The following RNH1 variants were observed in gnomAD, a reference collection of about 807,000 sequenced individuals.
RNH1 encodes ribonuclease inhibitor.
In RNH1, 38 loss-of-function variants were observed where a neutral mutation model predicts 46.1. That is an observed-to-expected ratio of 0.82 (90% CI 0.64 to 1.08). The LOEUF is 1.08. RNH1 is among the 50% of genes least tolerant of loss of function. The pLI is 0.00. For synonymous variants in RNH1, 319 were observed against 279.1 expected (o/e 1.14, Z -1.43); for missense variants, 577 against 590.7 (o/e 0.98, Z 0.24).
chr11:506,923 G>A (rs1182421796), intron 1 of RNH1, 190 bp downstream of exon 1: 7 of 152,138 alleles, frequency 4.6e-5, no homozygotes, highest in Admixed American at 3.9e-4. Context: ...CAGCTGCCCA[G>A]CGCAACCTCG....
At position 499,164 on chromosome 11, in the gene RNH1, C is replaced by T. The variant is rs372920831; in HGVS notation, c.465G>A (p.Ser155=). 2.0e-5 allele frequency: 32 copies of T among 1,612,558 alleles called. No individual in the cohort carries two copies. In the African/African-American group the frequency reaches 2.5e-4, roughly 13 times the overall value. The change falls in exon 6 of 11, where the codon TCG becomes TCA. Residue 155 remains serine, a synonymous_variant. Transcript: ENST00000354420. ...AGGCCAGGGGCTCGCAGCTGGCAGC[C>T]GAGAGGCTGCAATACTCCAGCCTGG... ...EKLQLEYCSL[S]AASCEPLASV...
In RNH1 at chr11:496,467, A is replaced by G. The variant is rs187392758; in HGVS notation, c.1128-1414T>C. Among the ~76,000 whole-genome samples, 193 of 152,326 alleles carry G rather than the reference A, an allele frequency of 1.3e-3. 1 individual carries two copies. The highest frequency in any genetic ancestry group is 0.011 in the Admixed American group (172 of 15,302). ...GGCGGATCACGAGGTCAGGATATCA[A>G]GACCATACTGGCTAACACGGTGAAA... On this transcript the variant is annotated intron_variant, in intron 9 of 10. Transcript: ENST00000354420.
chr11:498,798 C>T lies in RNH1; in HGVS notation c.750G>A (p.Gly250=). 3 of 1,606,436 alleles carry T rather than the reference C, an allele frequency of 1.9e-6. No homozygotes were observed. Among genetic ancestry groups the T allele is most frequent in the Non-Finnish European group, 2.5e-6 (3 of 1,179,482 alleles). ...TGAGCCTGGAGCTGGGGTGGAGCAG[C>T]CCTGGGCACAGCTCCGCCATGCCCA... is the stretch of plus-strand genomic sequence containing the variant. ...GDVGMAELCP[G]LLHPSSRLRT... is the part of the protein sequence containing the mutation. The change falls in exon 7 of 11, where the codon GGG becomes GGA. Residue 250 remains glycine (G), a synonymous_variant. Transcript: ENST00000354420.
rs184699651 is a variant in RNH1 at position 498,250 on chromosome 11, A to G, written c.957-109T>C. ...GTGGACCTGAGCAAAAACATCTGACAGCCTCCCAGCAAGTGGGCACCTACA... is the reference window on the plus strand; with the variant it reads ...GTGGACCTGAGCAAAAACATCTGACGGCCTCCCAGCAAGTGGGCACCTACA... On this transcript the variant is annotated intron_variant, in intron 8 of 10. Transcript: ENST00000354420. The G allele has an allele frequency of 1.4e-5, 19 of 1,342,114 alleles. No homozygotes were observed. In the East Asian group the frequency reaches 4.5e-4, roughly 32 times the overall value. 83.1% of individuals were successfully genotyped at this position (1,342,114 alleles called of 1,614,324 possible).
At chr11:500,091 C>A (rs1849604408) in intron 4 of RNH1, 92 bp from the exon 5 acceptor site, 10 of 1,389,838 alleles carry the variant, frequency 7.2e-6, no homozygotes, top group Non-Finnish European at 9.5e-6. Context: ...CAGCACTCTT[C>A]AGGCGGCAGG....
chr11:499,671 G>C (rs1056468413), intron 5 of RNH1, 158 bp downstream of exon 5: 8 of 857,122 alleles, frequency 9.3e-6, no homozygotes, highest in Non-Finnish European at 1.5e-5. Flanking sequence ...AGCACCACAA[G>C]GCCCCAGACC....
At chr11:500,918 C>T (rs561546096) in intron 3 of RNH1, 9 of 556,644 alleles carry the variant, frequency 1.6e-5, no homozygotes, top group Admixed American at 7.4e-5. Context: ...CACCTGAGGT[C>T]GGGAGTTCAA....
intron 1 of RNH1, chr11:506,412 G>A: frequency 6.6e-6 from 1 of 152,326 alleles, no homozygotes; most frequent in Non-Finnish European, 1.5e-5. Context: ...GGGCCCCTTC[G>A]TCATTTCCGC....
intron 2 of RNH1, chr11:504,390 TGCCCCC>T (rs1850054444): frequency 6.6e-6 from 1 of 152,536 alleles, no homozygotes; most frequent in Non-Finnish European, 1.5e-5. Flanking sequence ...CCTGCCTCTC[TGCCCCC>T]GCCCGCGCCC....
At chr11:496,623 C>T (rs1018849876) in intron 9 of RNH1, among the ~76,000 whole-genome samples, 4 of 152,048 alleles carry the variant, frequency 2.6e-5, no homozygotes, top group African/African-American at 9.7e-5. Flanking sequence ...GAGCCAAGAT[C>T]GCACCACTGC....
rs752137914 is a variant in RNH1, at chr11:499,852, G to A, written c.420C>T (p.Pro140=). 7.4e-6 allele frequency: 12 copies of A among 1,610,806 alleles called. No individual in the cohort carries two copies. Among genetic ancestry groups the A allele is most frequent in the East Asian group, 2.2e-5 (1 of 44,872 alleles). ...LQLLCEGLLD[P]QCRLEKLQLE... ...ACTGCAGCTTTTCCAGGCGGCACTGGGGGTCCAGGAGTCCTTCGCAGAGCA... is the reference window on the plus strand; with the variant it reads ...ACTGCAGCTTTTCCAGGCGGCACTGAGGGTCCAGGAGTCCTTCGCAGAGCA... The change falls in exon 5 of 11, where the codon CCC becomes CCT. Residue 140 remains proline, a synonymous_variant. Transcript: ENST00000354420.
In RNH1 at chr11:494,596, C is replaced by G. The variant is rs1400203025; in HGVS notation, c.*95G>C. The stretch of plus-strand genomic sequence containing the variant: ...GCGGATCTGAGCGTTTCTCTTCAAA[C>G]CTAGGATATGCAGGGTGAGAGCATG... On this transcript the variant is annotated 3_prime_UTR_variant, in exon 11 of 11. Coordinates refer to ENST00000354420, the MANE Select transcript of RNH1 (RefSeq NM_203387.3). 3 of 1,060,918 alleles carry G rather than the reference C, an allele frequency of 2.8e-6. No homozygotes were observed. Among genetic ancestry groups the G allele is most frequent in the Non-Finnish European group, 4.3e-6 (3 of 696,412 alleles). The allele number at this position is 1,060,918 out of a possible 1,614,324, so 65.7% of individuals were successfully genotyped here. A position where few individuals can be genotyped will look rare whatever the true frequency, so the allele number is the denominator to read the frequency against.
chr11:506,067 C>G (rs964270442), intron 1 of RNH1: 1 of 152,246 alleles, frequency 6.6e-6, no homozygotes, highest in Non-Finnish European at 1.5e-5. Context: ...TTAGTAGAGA[C>G]GGGTTTTCAC....
rs753567094 is a variant in RNH1 at position 498,927 on chromosome 11, C to T, written c.621G>A (p.Glu207=). The change falls in exon 7 of 11, where the codon GAG becomes GAA. Residue 207 remains glutamate, a synonymous_variant. Coordinates refer to ENST00000354420, the MANE Select transcript of RNH1 (RefSeq NM_203387.3). ...SPCQLEALKL[E]SCGVTSDNCR... ...AGTTGTCTGATGTCACACCGCAGCTCTCCAGCCTGGGGACACGGGTCACAC... is the reference window on the plus strand; with the variant it reads ...AGTTGTCTGATGTCACACCGCAGCTTTCCAGCCTGGGGACACGGGTCACAC... The T allele has an allele frequency of 2.5e-6, 4 of 1,612,552 alleles. No individual in the cohort carries two copies. The African/African-American group carries it at 4.0e-5, about 16-fold the overall frequency.
chr11:502,085 C>T lies in RNH1; in HGVS notation c.78G>A (p.Leu26=), dbSNP rs1341754414. The T allele has an allele frequency of 2.5e-6, 4 of 1,611,856 alleles. No individual in the cohort carries two copies. Among genetic ancestry groups the T allele is most frequent in the Non-Finnish European group, 3.4e-6 (4 of 1,179,528 alleles). ...ACCTGACCACTTGGCACTGCTGGAG[C>T]AGAGGGAGGAGCTCGGCCCATCTAG... The part of the protein sequence containing the change: ...SDARWAELLP[L]LQQCQVVRLD... Residue 26 remains leucine (L), a synonymous_variant, in exon 3 of 11, where the codon CTG becomes CTA. Transcript: ENST00000354420. The surrounding 1 kb of genome is among the most constrained non-coding windows in gnomAD (Gnocchi z 5.8).
At chr11:495,133 G>C in intron 9 of RNH1, 80 bp from the exon 10 acceptor site, 1 of 1,405,208 alleles carries the variant, frequency 7.1e-7, no homozygotes, top group African/African-American at 1.4e-5. Flanking sequence ...TGGGCCTGGG[G>C]GGCGCGACGG....
chr11:497,571 A>ACTCTCACGTGCTCACACACGGACACT (rs71022917), intron 9 of RNH1, among the ~76,000 whole-genome samples: 1 of 118,910 alleles, frequency 8.4e-6, no homozygotes, highest in African/African-American at 3.2e-5. Flanking sequence ...ACACACGGAC[A>ACTCTCACGTGCTCACACACGGACACT]CGTGCTCATT....
chr11:503,506 G>A (rs1409220796), intron 2 of RNH1: 2 of 152,092 alleles, frequency 1.3e-5, no homozygotes, highest in Admixed American at 1.3e-4. Flanking sequence ...GACATCCCAC[G>A]GCCCCACATG....
chr11:506,925 G>A, intron 1 of RNH1, 188 bp downstream of exon 1: 1 of 152,302 alleles, frequency 6.6e-6, no homozygotes, highest in Non-Finnish European at 1.5e-5. Flanking sequence ...GCTGCCCAGC[G>A]CAACCTCGGC....
Sources: allele counts gnomAD v4.1 joint callset (sites outside exome capture counted in the v4.1 genomes callset), GRCh38; gene constraint gnomAD v4.1.1; non-coding constraint Gnocchi (gnomAD v3.1); transcripts MANE v1.5; gene names NCBI Gene and HGNC (gene_info 2026-07-23, HGNC 2026-07-21).